Variants in POM121 observed in about 807,000 individuals in gnomAD.
POM121 encodes the protein nuclear envelope pore membrane protein POM 121.
A neutral mutation model predicts 81.3 loss-of-function variants in POM121; 32 were observed. The ratio of observed to expected loss-of-function variants is 0.39; its 90% CI spans 0.30 to 0.53. POM121 has a LOEUF of 0.53. Among genes scored for constraint, POM121 ranks in the 20% least tolerant of loss-of-function variants. POM121 has a pLI of 0.66. For synonymous variants in POM121, 514 were observed against 694.2 expected, an observed-to-expected ratio of 0.74 and a Z score of 4.08; for missense variants, 1,138 against 1,614.6, an observed-to-expected ratio of 0.70 and a Z score of 5.06.
chr7:72,889,189 C>T (rs562606743), intron 1 of POM121, among the ~76,000 whole-genome samples: 3 of 152,312 alleles, frequency 2.0e-5, no homozygotes, highest in Admixed American at 1.3e-4. Context: ...AAAGTTATTA[C>T]TCTCTCTTGG....
chr7:72,915,811 T>G (rs1400499499), intron 4 of POM121, among the ~76,000 whole-genome samples: 1 of 152,198 alleles, frequency 6.6e-6, no homozygotes, highest in African/African-American at 2.4e-5. Context: ...TAGCTGAGAT[T>G]ATAGGCGCCC....
At chr7:72,897,759 G>A (rs572170775) in intron 3 of POM121, among the ~76,000 whole-genome samples, 1 of 152,262 alleles carries the variant, frequency 6.6e-6, no homozygotes, top group East Asian at 1.9e-4. Flanking sequence ...GGTGGCTCAG[G>A]CCTGTAATTC....
At chr7:72,946,111 G>A (rs782629621) in intron 12 of POM121, 26 bp from the exon 13 acceptor site, 73 of 1,610,596 alleles carry the variant, frequency 4.5e-5, no homozygotes, top group Middle Eastern at 2.2e-4. Flanking sequence ...CAGCTGCCCT[G>A]ATGAGGTCTT....
At position 72,925,213 on chromosome 7, in the gene POM121, C is replaced by G; in HGVS notation, c.92C>G (p.Pro31Arg). 6.6e-6 allele frequency: 10 copies of G among 1,524,940 alleles called. No homozygotes were observed. The highest frequency in any genetic ancestry group is 7.9e-6 in the Non-Finnish European group (9 of 1,142,754). 94.5% of individuals were successfully genotyped at this position (1,524,940 alleles called of 1,614,324 possible). Residue 31 changes from proline to arginine, a missense_variant, in exon 1 of 13, where the codon CCG (proline) becomes CGG (arginine). Physicochemically the swap from Pro to Arg is moderately radical, Grantham distance 103. This residue lies in a region of POM121 where 646 missense variants were observed against 633.5 expected (regional missense o/e 1.02). Coordinates refer to ENST00000434423, the MANE Select transcript of POM121 (RefSeq NM_001387691.1). The stretch of plus-strand genomic sequence containing the variant: ...GGCCGGGGCCGGGGCTGCGGCGGGC[C>G]GGCCAGGGCGGTGCTCCTGGGCCTG... Reference protein sequence around the residue: ...RDGRGRGCGGPARAVLLGLSL... With the variant: ...RDGRGRGCGGRARAVLLGLSL...
At chr7:72,948,459 A>G (rs782331834), downstream of POM121, 1 of 1,613,406 alleles carries the variant, frequency 6.2e-7, no homozygotes, top group South Asian at 1.1e-5. Flanking sequence ...CTTTCCCACC[A>G]GGAAGGAGTG....
rs549476176 is a variant in POM121, at chr7:72,935,298, G to T, written c.1276-3292G>T. ...AGCGATTCTCCTGCCTCAGCCTCTT[G>T]AGTAGCTGGGACCACAGGCATGCAT... is the stretch of plus-strand genomic sequence containing the variant. On this transcript the variant is annotated intron_variant, in intron 5 of 12. Transcript: ENST00000434423. Among the ~76,000 whole-genome samples, 23 of 152,046 alleles carry T rather than the reference G, an allele frequency of 1.5e-4. No individual in the cohort carries two copies. The East Asian group carries it at 4.4e-3, about 29-fold the overall frequency.
At chr7:72,900,590 C>T (rs1174216989) in intron 3 of POM121, among the ~76,000 whole-genome samples, 1 of 152,022 alleles carries the variant, frequency 6.6e-6, no homozygotes, top group South Asian at 2.1e-4. Context: ...CTGCAACCTC[C>T]ACCTCCTGGG....
Position 72,939,927 on chromosome 7 carries a change from G to T in POM121, c.1522G>T (p.Val508Phe), listed in dbSNP as rs1211785719. The T allele has an allele frequency of 1.2e-6, 2 of 1,608,198 alleles. No individual in the cohort carries two copies. The highest frequency in any genetic ancestry group is 1.7e-6 in the Non-Finnish European group (2 of 1,177,112). ...CAGCTCTGGGCAGCGTAAGCGGAAA[G>T]TTCAGCTGCTGCCTTCTCGGCGAGG... is the stretch of plus-strand genomic sequence containing the variant. ...PGSSGQRKRK[V>F]QLLPSRRGEQ... Residue 508 changes from valine (V) to phenylalanine (F), a missense_variant, in exon 8 of 13, where the codon GTT (valine) becomes TTT (phenylalanine). By Grantham distance (50) the Val-to-Phe change is conservative (BLOSUM62 -1). Transcript: ENST00000434423.
Position 72,925,098 on chromosome 7 carries a change from T to G in POM121, c.-24T>G, listed in dbSNP as rs1795230499. The stretch of plus-strand genomic sequence containing the variant: ...CGCGGTGCACGCTGGGATATTTAAG[T>G]CTCCTCCGCGGCGCGGAGCCGCGAT... On this transcript the variant is annotated 5_prime_UTR_variant, in exon 1 of 13. Transcript: ENST00000434423. 7.2e-7 allele frequency: 1 copy of G among 1,393,162 alleles called. No individual in the cohort carries two copies. Among genetic ancestry groups the G allele is most frequent in the Non-Finnish European group, 9.2e-7 (1 of 1,088,294 alleles). The allele number at this position is 1,393,162 out of a possible 1,614,324, so 86.3% of individuals were successfully genotyped here.
rs1795455926 is a variant in POM121, at chr7:72,926,457, A to G, written c.840A>G (p.Arg280=). 1 of 1,614,004 alleles carries G rather than the reference A, an allele frequency of 6.2e-7. No homozygotes were observed. The change falls in exon 2 of 13, where the codon AGA becomes AGG. Residue 280 remains arginine (R), a synonymous_variant. Coordinates refer to ENST00000434423, the MANE Select transcript of POM121 (RefSeq NM_001387691.1). ...CTGTGAGGATCGCCCCTCCTGACAG[A>G]AGATTTTCGCGTTCTGCGATGTGAG... The part of the protein sequence containing the change: ...PVTVRIAPPD[R]RFSRSAIPEQ...
intron 5 of POM121, 66 bp downstream of exon 5, chr7:72,930,177 A>G: frequency 6.6e-7 from 1 of 1,518,976 alleles, no homozygotes; most frequent in Non-Finnish European, 8.9e-7. Context: ...GACTAGGGCC[A>G]GACATGGTAG....
chr7:72,889,619 G>A (rs1554490576), intron 1 of POM121, among the ~76,000 whole-genome samples: 2 of 152,004 alleles, frequency 1.3e-5, no homozygotes, highest in African/African-American at 2.4e-5. Flanking sequence ...CCATCCTCCT[G>A]CCTTAGCTTC....
chr7:72,945,590 C>T lies in POM121; in HGVS notation c.3534C>T (p.Thr1178=), dbSNP rs372694456. The change falls in exon 12 of 13, where the codon ACC becomes ACT. Residue 1178 remains threonine, a synonymous_variant. Coordinates refer to ENST00000434423, the MANE Select transcript of POM121 (RefSeq NM_001387691.1). ...TCTCTGTTCTCTTCATTCCAGGCAC[C>T]GCCACCCCCACCTTTGGTCTGAACA... ...TTESKPVFGG[T]ATPTFGLNTP... is the part of the protein sequence containing the mutation. The T allele has an allele frequency of 1.3e-4, 204 of 1,613,292 alleles. 1 individual carries two copies. The highest frequency in any genetic ancestry group is 4.9e-4 in the East Asian group (22 of 44,854).
chr7:72,946,847 C>CG lies in POM121; in HGVS notation c.*614dup. The CG allele has an allele frequency of 1.0e-6, 1 of 961,308 alleles. No homozygotes were observed. Among genetic ancestry groups the CG allele is most frequent in the Non-Finnish European group, 1.2e-6 (1 of 818,918 alleles). The allele number at this position is 961,308 out of a possible 1,614,324, so 59.5% of individuals were successfully genotyped here. Reference sequence around the variant, plus strand: ...AGACCCCAGTGGGTGCTGCTCCTGCCGTTTTCTTCCTGCCAAGCCTGAATC... The same window carrying CG: ...AGACCCCAGTGGGTGCTGCTCCTGCCGGTTTTCTTCCTGCCAAGCCTGAATC... On this transcript the variant is annotated 3_prime_UTR_variant, in exon 13 of 13. Coordinates refer to ENST00000434423, the MANE Select transcript of POM121 (RefSeq NM_001387691.1).
In POM121 at chr7:72,930,033, C is replaced by A; in HGVS notation, c.1197C>A (p.Gly399=). ...SRSSSMSSLT[G]AYASGIPSSS... Reference sequence around the variant, plus strand: ...GCTCTTCCATGAGCTCCTTGACAGGCGCTTACGCAAGTGGCATCCCTAGCT... The same window carrying A: ...GCTCTTCCATGAGCTCCTTGACAGGAGCTTACGCAAGTGGCATCCCTAGCT... The change falls in exon 5 of 13, where the codon GGC becomes GGA. Residue 399 remains glycine, a synonymous_variant. Coordinates refer to ENST00000434423, the MANE Select transcript of POM121 (RefSeq NM_001387691.1). The A allele has an allele frequency of 6.2e-7, 1 of 1,613,996 alleles. No individual in the cohort carries two copies. The highest frequency in any genetic ancestry group is 1.1e-5 in the South Asian group (1 of 91,082).
chr7:72,946,154 T>A lies in POM121; in HGVS notation c.3670T>A (p.Phe1224Ile). Residue 1224 changes from phenylalanine to isoleucine, a missense_variant, in exon 13 of 13, where the codon TTT becomes ATT. This residue lies in a region of POM121 where 336 missense variants were observed against 344.3 expected (regional missense o/e 0.98). Coordinates refer to ENST00000434423, the MANE Select transcript of POM121 (RefSeq NM_001387691.1). ...VAPFGSAALSFSIGAGSKTPG... is the reference protein window; with the variant it reads ...VAPFGSAALSISIGAGSKTPG... ...CTTTCCAGGATCGGCGGCCCTTTCA[T>A]TTTCCATTGGTGCGGGATCCAAGAC... 1 of 1,611,662 alleles carries A rather than the reference T, an allele frequency of 6.2e-7. No individual in the cohort carries two copies. Among genetic ancestry groups the A allele is most frequent in the African/African-American group, 1.3e-5 (1 of 74,904 alleles).
chr7:72,930,558 G>A (rs1157071323), intron 5 of POM121, among the ~76,000 whole-genome samples: 1 of 152,192 alleles, frequency 6.6e-6, no homozygotes, highest in Non-Finnish European at 1.5e-5. Flanking sequence ...CTTGTATTGG[G>A]TCGTAAAAGA....
At chr7:72,924,834 T>G, upstream of POM121, 60 of 384,740 alleles carry the variant, frequency 1.6e-4, no homozygotes, top group East Asian at 5.0e-4. Context: ...AGATCACGGA[T>G]TAGGAATTAC....
Position 72,929,925 on chromosome 7 carries a change from C to T in POM121, c.1104-15C>T. 6 of 1,572,324 alleles carry T rather than the reference C, an allele frequency of 3.8e-6. No individual in the cohort carries two copies. The highest frequency in any genetic ancestry group is 5.2e-6 in the Non-Finnish European group (6 of 1,155,790). ...TGCCTTCAATAAAGCATCTAACTGT[C>T]TTCTCTTTTATTAGGCCTGGGTCTC... On this transcript the variant is annotated splice_polypyrimidine_tract_variant and intron_variant, in intron 4 of 12. Coordinates refer to ENST00000434423, the MANE Select transcript of POM121 (RefSeq NM_001387691.1).
Sources: gnomAD v4.1 joint callset for allele counts (sites outside exome capture counted in the v4.1 genomes callset) on GRCh38, gnomAD v4.1.1 for gene constraint, gnomAD v4.1.1 regional missense constraint, MANE v1.5 for transcripts, NCBI Gene and HGNC (gene_info 2026-07-23, HGNC 2026-07-21) for gene names.